RASAL2: variants seen among roughly 807,000 people sequenced by gnomAD.
RASAL2 encodes the protein RAS protein activator like 2, also known as ras GTPase-activating protein nGAP.
A neutral mutation model predicts 128.9 loss-of-function variants in RASAL2; 58 were observed. The observed-to-expected ratio is 0.45, with a 90% CI of 0.36 to 0.56. The LOEUF is 0.56. Among genes scored for constraint, RASAL2 ranks in the 20% least tolerant of loss-of-function variants. The pLI, the probability that RASAL2 is intolerant of heterozygous loss-of-function variation, is 0.00. For missense variants in RASAL2, 1,360 were observed against 1,601.6 expected, an observed-to-expected ratio of 0.85 and a Z score of 2.57; for synonymous variants, 561 against 580.8, an observed-to-expected ratio of 0.97 and a Z score of 0.49.
At chr1:178,224,867 G>A (rs1663734946) in intron 1 of RASAL2, among the ~76,000 whole-genome samples, 1 of 152,050 alleles carries the variant, frequency 6.6e-6, no homozygotes, top group African/African-American at 2.4e-5. Context: ...ATGAGAAACT[G>A]ATATCCTATT....
intron 1 of RASAL2, among the ~76,000 whole-genome samples, chr1:178,143,832 A>T (rs944999885): frequency 3.3e-5 from 5 of 151,828 alleles, no homozygotes; most frequent in Admixed American, 1.3e-4. Flanking sequence ...AGAGAAAGGG[A>T]AACCTGAAAT....
intron 1 of RASAL2, among the ~76,000 whole-genome samples, chr1:178,193,503 G>A (rs530272859): frequency 6.6e-6 from 1 of 152,226 alleles, no homozygotes; most frequent in African/African-American, 2.4e-5. Context: ...TTTATGACAT[G>A]ACGCTTTGTA....
chr1:178,321,923 G>A (rs575756300), intron 3 of RASAL2, among the ~76,000 whole-genome samples: 55 of 152,054 alleles, frequency 3.6e-4, no homozygotes, highest in African/African-American at 1.2e-3. Flanking sequence ...AGAAGGTGGA[G>A]GTTTTGGTGA....
At chr1:178,147,997 G>A (rs1382884658) in intron 1 of RASAL2, among the ~76,000 whole-genome samples, 1 of 152,100 alleles carries the variant, frequency 6.6e-6, no homozygotes, top group Non-Finnish European at 1.5e-5. Flanking sequence ...CTTGAACCCA[G>A]GAGGCGGAGG....
rs915648156 is a variant in RASAL2 at position 178,384,808 on chromosome 1, T to A, written c.458-5292T>A. On this transcript the variant is annotated intron_variant, in intron 3 of 17. Transcript: ENST00000367649. ...TGTAACTCTTTTAAAAGAAAAAAAA[T>A]TTAAATTATTATCTTTACTTGTTTT... Among the ~76,000 whole-genome samples the A allele has an allele frequency of 2.1e-4, 32 of 152,100 alleles. 2 individuals are homozygous for A. Among genetic ancestry groups the A allele is most frequent in the South Asian group, 4.1e-4 (2 of 4,822 alleles).
intron 1 of RASAL2, among the ~76,000 whole-genome samples, chr1:178,252,168 A>G (rs1379524701): frequency 6.6e-6 from 1 of 152,162 alleles, no homozygotes; most frequent in African/African-American, 2.4e-5. Context: ...AATGAGTTTT[A>G]TTTTAAAATT....
At chr1:178,112,679 A>T (rs1427015193) in intron 1 of RASAL2, among the ~76,000 whole-genome samples, 1 of 147,682 alleles carries the variant, frequency 6.8e-6, no homozygotes, top group Non-Finnish European at 1.5e-5. Context: ...GCATATTCTC[A>T]CTCATAGGTG....
chr1:178,447,673 T>G (rs1396331106), intron 9 of RASAL2, among the ~76,000 whole-genome samples: 1 of 56,038 alleles, frequency 1.8e-5, no homozygotes, highest in Non-Finnish European at 3.4e-5. Context: ...CTCCTTCTCT[T>G]AAAAAAAAAA....
chr1:178,358,237 T>TAAAAAAAAAAAAAAAAA (rs71567191), intron 3 of RASAL2, among the ~76,000 whole-genome samples: 1 of 34,774 alleles, frequency 2.9e-5, no homozygotes, highest in African/African-American at 6.6e-5. Context: ...CTCTGTCTCC[T>TAAAAAAAAAAAAAAAAA]AAAAAAAAAA....
chr1:178,383,650 C>T (rs954701446), intron 3 of RASAL2, among the ~76,000 whole-genome samples: 1 of 152,138 alleles, frequency 6.6e-6, no homozygotes, highest in Non-Finnish European at 1.5e-5. Flanking sequence ...AGCTACAAAC[C>T]CATTTCCTCC....
chr1:178,276,218 G>T (rs1216727878), intron 1 of RASAL2, among the ~76,000 whole-genome samples: 1 of 152,166 alleles, frequency 6.6e-6, no homozygotes, highest in Non-Finnish European at 1.5e-5. Flanking sequence ...TGTGTGTTGG[G>T]TGGTTATCAG....
At chr1:178,308,970 A>C (rs1282812876) in intron 3 of RASAL2, among the ~76,000 whole-genome samples, 1 of 152,158 alleles carries the variant, frequency 6.6e-6, no homozygotes, top group Non-Finnish European at 1.5e-5. Context: ...ATATGTGCAT[A>C]ATGAAGATTT....
chr1:178,195,771 A>C (rs1157962789), intron 1 of RASAL2, among the ~76,000 whole-genome samples: 1 of 152,160 alleles, frequency 6.6e-6, no homozygotes, highest in Admixed American at 6.5e-5. Flanking sequence ...AGATAGATCT[A>C]TTGAAAGCAT....
intron 1 of RASAL2, among the ~76,000 whole-genome samples, chr1:178,190,766 C>T (rs576110099): frequency 2.0e-5 from 3 of 151,152 alleles, no homozygotes; most frequent in East Asian, 3.9e-4. Context: ...TATATGTAGC[C>T]GGAATAAACA....
At chr1:178,441,444 A>C in intron 6 of RASAL2, 105 bp from the exon 7 acceptor site, 1 of 740,140 alleles carries the variant, frequency 1.4e-6, no homozygotes, top group Non-Finnish European at 2.3e-6. Flanking sequence ...ATTCCAGGAC[A>C]TTTCGACCTT....
chr1:178,400,446 CG>C (rs1673546961), intron 4 of RASAL2, among the ~76,000 whole-genome samples: 1 of 152,206 alleles, frequency 6.6e-6, no homozygotes, highest in Non-Finnish European at 1.5e-5. Context: ...TGTCCTTCCA[CG>C]GGAGTGTACA....
intron 6 of RASAL2, among the ~76,000 whole-genome samples, chr1:178,440,834 G>A (rs1252776543): frequency 1.3e-5 from 2 of 152,094 alleles, no homozygotes. Flanking sequence ...TCCAAAGATA[G>A]TAATTCAATA....
chr1:178,394,224 C>A (rs1673080362), intron 4 of RASAL2, among the ~76,000 whole-genome samples: 1 of 152,108 alleles, frequency 6.6e-6, no homozygotes, highest in Non-Finnish European at 1.5e-5. Context: ...TTTGACTGTT[C>A]TTCAAAAACA....
In RASAL2 at chr1:178,349,024, C is replaced by T. The variant is rs1670307089; in HGVS notation, c.458-41076C>T. On this transcript the variant is annotated intron_variant, in intron 3 of 17. Transcript: ENST00000367649. The stretch of plus-strand genomic sequence containing the variant: ...ACGTGTTAGCCAGGATGATCTTGAT[C>T]TCCTGACCTCGTGATCCACCTGCCT... Among the ~76,000 whole-genome samples, 4 of 151,300 alleles carry T rather than the reference C, an allele frequency of 2.6e-5. No homozygotes were observed. In the South Asian group the frequency reaches 8.4e-4, roughly 32 times the overall value.
Sources: allele counts gnomAD v4.1 joint callset (sites outside exome capture counted in the v4.1 genomes callset), GRCh38; gene constraint gnomAD v4.1.1; transcripts MANE v1.5; gene names NCBI Gene and HGNC (gene_info 2026-07-23, HGNC 2026-07-21).